ECE1: variants seen among roughly 807,000 people sequenced by gnomAD.
ECE1 encodes endothelin-converting enzyme 1.
ECE1 carries 35 observed loss-of-function variants against 98.6 expected under a neutral mutation model. That is an observed-to-expected ratio of 0.35 (90% confidence interval 0.27 to 0.47). The LOEUF (loss-of-function observed/expected upper bound fraction) is 0.47. Ranked by LOEUF, ECE1 falls within the 20% of genes least tolerant of loss-of-function variation. ECE1 has a pLI of 1.00. For missense variants in ECE1, 814 were observed against 1,025.3 expected, an observed-to-expected ratio of 0.79 and a Z score of 2.81; for synonymous variants, 394 against 407.1, an observed-to-expected ratio of 0.97 and a Z score of 0.39.
chr1:21,239,422 C>T (rs1320456938), intron 10 of ECE1, among the ~76,000 whole-genome samples: 1 of 152,178 alleles, frequency 6.6e-6, no homozygotes, highest in African/African-American at 2.4e-5. Flanking sequence ...TAACAACCAC[C>T]CACGCTCAGG....
rs145811966 is a variant in ECE1, at chr1:21,317,327, G to A, written c.4-27171C>T. Among the ~76,000 whole-genome samples the A allele has an allele frequency of 2.4e-3, 364 of 152,260 alleles. 1 individual carries two copies. Among genetic ancestry groups the A allele is most frequent in the African/African-American group, 8.5e-3 (351 of 41,536 alleles). ...ACTCTTCTGAGAATTAAACAAGGTCGTGTCTGCAAAGGGCCTGGCATCCGG... is the reference window on the plus strand; with the variant it reads ...ACTCTTCTGAGAATTAAACAAGGTCATGTCTGCAAAGGGCCTGGCATCCGG... On this transcript the variant is annotated intron_variant, in intron 1 of 18. Transcript: ENST00000415912.
At chr1:21,222,161 C>CGT (rs1553351054) in intron 17 of ECE1, 1 of 402,216 alleles carries the variant, frequency 2.5e-6, no homozygotes, top group Non-Finnish European at 4.7e-6. Flanking sequence ...AGAGCCACAT[C>CGT]GTGTGTGTGC....
At chr1:21,264,309 TCCCC>T (rs752018050) in intron 4 of ECE1, among the ~76,000 whole-genome samples, 39 of 71,308 alleles carry the variant, frequency 5.5e-4, no homozygotes, top group Non-Finnish European at 7.3e-4. Context: ...ATATACCAAT[TCCCC>T]CCCCCCCTTT....
At chr1:21,290,586 A>AC, upstream of ECE1, 1 of 1,193,690 alleles carries the variant, frequency 8.4e-7, no homozygotes. The surrounding 1 kb of genome is among the most constrained non-coding windows in gnomAD (Gnocchi z 7.3). Flanking sequence ...GGAGATGGGG[A>AC]CCCCTCCCTT....
At chr1:21,283,974 G>C (rs2098257840) in intron 2 of ECE1, among the ~76,000 whole-genome samples, 1 of 152,170 alleles carries the variant, frequency 6.6e-6, no homozygotes, top group South Asian at 2.1e-4. Flanking sequence ...CCTCACCCTG[G>C]GGCAGGAGAA....
At chr1:21,320,869 C>T (rs1417495837) in intron 1 of ECE1, among the ~76,000 whole-genome samples, 2 of 152,212 alleles carry the variant, frequency 1.3e-5, no homozygotes, top group African/African-American at 4.8e-5. Context: ...GCAGCCTCCC[C>T]TGCCTACTGC....
rs532844615 is a variant in ECE1 at position 21,219,423 on chromosome 1, G to A, written c.*532C>T. ...GACTTGCTCTGTGGCCCAGGGATCCGTGCCTCAGCCCAGCCTCACAGGGAG... is the reference window on the plus strand; with the variant it reads ...GACTTGCTCTGTGGCCCAGGGATCCATGCCTCAGCCCAGCCTCACAGGGAG... On this transcript the variant is annotated 3_prime_UTR_variant, in exon 19 of 19. Coordinates refer to ENST00000374893, the MANE Select transcript of ECE1 (RefSeq NM_001397.3). This position sits in a 1 kb window ranked among gnomAD's most constrained non-coding sequence, Gnocchi z 4.5. The A allele has an allele frequency of 9.9e-5, 16 of 160,916 alleles. No individual in the cohort carries two copies. The highest frequency in any genetic ancestry group is 1.9e-4 in the Non-Finnish European group (14 of 72,860). The allele number at this position is 160,916 out of a possible 1,614,324, so 10.0% of individuals were successfully genotyped here.
intron 1 of ECE1, among the ~76,000 whole-genome samples, chr1:21,333,252 G>A (rs962121773): frequency 1.3e-5 from 2 of 151,884 alleles, no homozygotes; most frequent in South Asian, 2.1e-4. Flanking sequence ...TTTTTCACCC[G>A]GGACCTGCAC....
intron 2 of ECE1, among the ~76,000 whole-genome samples, chr1:21,287,382 C>T (rs1459573191): frequency 4.6e-5 from 7 of 152,102 alleles, no homozygotes; most frequent in East Asian, 3.9e-4. Flanking sequence ...AAGTATTAGC[C>T]GAGCGTGGTG....
At chr1:21,246,887 G>A (rs2098204442) in intron 9 of ECE1, among the ~76,000 whole-genome samples, 1 of 152,148 alleles carries the variant, frequency 6.6e-6, no homozygotes, top group South Asian at 2.1e-4. Context: ...TCAAACGCAG[G>A]GACTCAAGGG....
rs2098186949 is a variant in ECE1, at chr1:21,235,600, TACTGACTGGTGGGC to T, written c.1566+236_1566+249del. ...CAGGGGGCACACAGCACGGGTTCTG[TACTGACTGGTGGGC>T]ACTGCTGATGGATGGTGGCTATGGG... On this transcript the variant is annotated intron_variant, in intron 13 of 18. Coordinates refer to ENST00000374893, the MANE Select transcript of ECE1 (RefSeq NM_001397.3). The surrounding 1 kb of genome is among the most constrained non-coding windows in gnomAD (Gnocchi z 4.2). 6.6e-6 allele frequency among the ~76,000 whole-genome samples: 1 copy of T among 152,150 alleles called. No individual in the cohort carries two copies. The highest frequency in any genetic ancestry group is 2.4e-5 in the African/African-American group (1 of 41,418).
chr1:21,309,036 C>A (rs3026840), intron 1 of ECE1, among the ~76,000 whole-genome samples: 6,714 of 152,296 alleles, frequency 0.044, 157 homozygotes, highest in South Asian at 0.074. Context: ...AGGCTCCTCG[C>A]TAGTTGGGAC....
At chr1:21,331,429 A>G (rs1309187317) in intron 1 of ECE1, among the ~76,000 whole-genome samples, 2 of 151,952 alleles carry the variant, frequency 1.3e-5, no homozygotes, top group South Asian at 2.1e-4. Context: ...TAAAAAATAA[A>G]AACTTAGCCG....
chr1:21,249,600 T>G (rs575187796), intron 8 of ECE1, among the ~76,000 whole-genome samples: 63 of 152,190 alleles, frequency 4.1e-4, no homozygotes, highest in African/African-American at 1.5e-3. Context: ...GAGAATTGCT[T>G]GAGCCTGGGA....
chr1:21,231,425 T>G (rs989307705), intron 14 of ECE1, among the ~76,000 whole-genome samples: 21 of 152,066 alleles, frequency 1.4e-4, no homozygotes, highest in Admixed American at 6.6e-5. Context: ...CACTGCAACC[T>G]CTGCCTCCCG....
chr1:21,289,643 G>A (rs559839740), intron 2 of ECE1, among the ~76,000 whole-genome samples: 1 of 152,198 alleles, frequency 6.6e-6, no homozygotes, highest in Non-Finnish European at 1.5e-5. Flanking sequence ...GCCCCGGACT[G>A]GGGGAGTGGG....
At chr1:21,304,033 G>A (rs1408708159) in intron 1 of ECE1, among the ~76,000 whole-genome samples, 2 of 143,412 alleles carry the variant, frequency 1.4e-5, no homozygotes, top group African/African-American at 2.7e-5. Flanking sequence ...AAAAAAAAAA[G>A]GGCCGGGCGC....
rs573698758 is a variant in ECE1 at position 21,230,449 on chromosome 1, G to A, written c.1671-2408C>T. On this transcript the variant is annotated intron_variant, in intron 14 of 18. Coordinates refer to ENST00000374893, the MANE Select transcript of ECE1 (RefSeq NM_001397.3). ...TGGAGGGCAATTGGGGTGCAGTGGC[G>A]TGATCTTGGCTCACTGCAACCTCTG... Among the ~76,000 whole-genome samples the A allele has an allele frequency of 1.1e-3, 171 of 152,198 alleles. 1 individual carries two copies. The Middle Eastern group carries it at 0.014, about 12-fold the overall frequency.
intron 7 of ECE1, 71 bp from the exon 8 acceptor site, chr1:21,256,209 G>A: frequency 2.0e-6 from 3 of 1,515,362 alleles, no homozygotes; most frequent in African/African-American, 1.4e-5. Flanking sequence ...TTGGTGGGGG[G>A]CTTGGCCAGC....
Sources: allele counts gnomAD v4.1 joint callset (sites outside exome capture counted in the v4.1 genomes callset), GRCh38; gene constraint gnomAD v4.1.1; non-coding constraint Gnocchi (gnomAD v3.1); transcripts MANE v1.5; gene names NCBI Gene and HGNC (gene_info 2026-07-23, HGNC 2026-07-21).